HERC4: variants seen among roughly 807,000 people sequenced by gnomAD.
The protein encoded by HERC4 is HECT and RLD domain containing E3 ubiquitin protein ligase 4.
In HERC4, 28 loss-of-function variants were observed where a neutral mutation model predicts 124.3. The observed-to-expected ratio is 0.23, with a 90% CI of 0.17 to 0.31. The LOEUF is 0.31. Among genes scored for constraint, HERC4 ranks in the 10% least tolerant of loss-of-function variants. The pLI is 1.00. For synonymous variants in HERC4, 407 were observed against 421.5 expected (o/e 0.97, Z 0.42); for missense variants, 713 against 1,229.3 (o/e 0.58, Z 6.28).
chr10:68,044,882 T>C (rs2039940284), intron 3 of HERC4, among the ~76,000 whole-genome samples: 2 of 152,100 alleles, frequency 1.3e-5, no homozygotes, highest in Admixed American at 1.3e-4. Context: ...ATGTACCTTC[T>C]ATTCAAATCT....
At chr10:68,039,786 T>G in intron 4 of HERC4, 15 of 1,164,244 alleles carry the variant, frequency 1.3e-5, no homozygotes, top group Non-Finnish European at 1.6e-5. Context: ...AAACATTTAC[T>G]GTTATTGTTT....
chr10:67,928,911 A>G (rs1276560740), intron 23 of HERC4, among the ~76,000 whole-genome samples: 2 of 150,140 alleles, frequency 1.3e-5, no homozygotes, highest in East Asian at 4.0e-4. Flanking sequence ...ACAGAGCAAG[A>G]CTCCATCTCA....
At chr10:67,931,599 A>G (rs2031819030) in intron 23 of HERC4, among the ~76,000 whole-genome samples, 1 of 151,796 alleles carries the variant, frequency 6.6e-6, no homozygotes, top group African/African-American at 2.4e-5. Flanking sequence ...TAATTTTTGT[A>G]TTTTTAGTAG....
chr10:68,032,988 A>G (rs1397125385), intron 6 of HERC4, 119 bp from the exon 7 acceptor site: 3 of 628,636 alleles, frequency 4.8e-6, no homozygotes, highest in Non-Finnish European at 8.7e-6. Context: ...TTTAACTATG[A>G]TTCGATGATT....
intron 11 of HERC4, 149 bp downstream of exon 11, chr10:67,992,050 C>T: frequency 1.6e-6 from 1 of 638,056 alleles, no homozygotes. Flanking sequence ...AGGTGTGCAC[C>T]ACCACGCCCA....
chr10:68,069,942 C>G (rs1199264570), intron 3 of HERC4: 4 of 461,138 alleles, frequency 8.7e-6, no homozygotes. Context: ...CTCGGGAGGC[C>G]GAGGCAGGAG....
At chr10:68,025,830 T>C (rs1305271594) in intron 7 of HERC4, among the ~76,000 whole-genome samples, 154 bp from the exon 8 acceptor site, 1 of 152,198 alleles carries the variant, frequency 6.6e-6, no homozygotes, top group Non-Finnish European at 1.5e-5. Context: ...TCTTTCAAAG[T>C]AAAATGTCAT....
intron 7 of HERC4, among the ~76,000 whole-genome samples, chr10:68,029,776 T>C (rs1215587164): frequency 1.3e-5 from 2 of 150,626 alleles, no homozygotes; most frequent in Non-Finnish European, 3.0e-5. Context: ...AGTCTCGCTG[T>C]CGACCAGGCT....
chr10:67,987,689 T>C (rs1357737266), intron 15 of HERC4, among the ~76,000 whole-genome samples: 2 of 152,136 alleles, frequency 1.3e-5, no homozygotes, highest in East Asian at 3.8e-4. Flanking sequence ...GTTGTTTTTC[T>C]AGGAATCTTG....
At chr10:67,935,189 A>C (rs944909978) in intron 22 of HERC4, among the ~76,000 whole-genome samples, 1 of 146,590 alleles carries the variant, frequency 6.8e-6, no homozygotes, top group African/African-American at 2.5e-5. Context: ...TCTGTCGCCC[A>C]GGCTGGAGCG....
chr10:67,939,384 G>A (rs2032674530), intron 21 of HERC4, among the ~76,000 whole-genome samples: 1 of 152,144 alleles, frequency 6.6e-6, no homozygotes, highest in Non-Finnish European at 1.5e-5. Flanking sequence ...GTAAACCAGG[G>A]ATAATCCCAA....
intron 9 of HERC4, chr10:67,993,738 A>G (rs1220102343): frequency 1.3e-5 from 2 of 152,220 alleles, no homozygotes; most frequent in African/African-American, 4.8e-5. Context: ...AGAAAGGGCA[A>G]CAAAGTTTCT....
At position 67,922,814 on chromosome 10, in the gene HERC4, C is replaced by G. The variant is rs1325491045; in HGVS notation, c.*117G>C. On this transcript the variant is annotated 3_prime_UTR_variant, in exon 25 of 25. Transcript: ENST00000373700. ...CTTCCATGAACACTCGTAGATTGAA[C>G]ATTCTGCAAGTAAGAATTATAATAG... is the stretch of plus-strand genomic sequence containing the variant. The G allele has an allele frequency of 6.8e-6, 5 of 733,104 alleles. No individual in the cohort carries two copies. The Admixed American group carries it at 1.0e-4, about 15-fold the overall frequency. The allele number at this position is 733,104 out of a possible 1,614,324, so 45.4% of individuals were successfully genotyped here.
intron 19 of HERC4, among the ~76,000 whole-genome samples, chr10:67,949,091 A>AAAAAT (rs1025662882): frequency 6.6e-5 from 10 of 151,876 alleles, no homozygotes; most frequent in Admixed American, 2.6e-4. Flanking sequence ...GTTTCTACTA[A>AAAAAT]AAAATAAAAT....
intron 18 of HERC4, 93 bp downstream of exon 18, chr10:67,954,870 A>T: frequency 8.0e-7 from 1 of 1,251,472 alleles, no homozygotes; most frequent in Non-Finnish European, 1.1e-6. Context: ...TTTATTTATT[A>T]AGTTTAAAAG....
chr10:67,932,835 C>T (rs1176071695), intron 22 of HERC4, 55 bp from the exon 23 acceptor site: 2 of 1,446,986 alleles, frequency 1.4e-6, no homozygotes, highest in East Asian at 5.1e-5. Context: ...ATGAAGAATC[C>T]ATAATGTAGT....
intron 19 of HERC4, among the ~76,000 whole-genome samples, chr10:67,949,447 T>C (rs563130662): frequency 6.6e-6 from 1 of 152,178 alleles, no homozygotes; most frequent in East Asian, 1.9e-4. Context: ...ATCATCACTA[T>C]CAAAATACCA....
At chr10:67,924,464 T>A (rs780689130) in intron 24 of HERC4, among the ~76,000 whole-genome samples, 7 of 152,202 alleles carry the variant, frequency 4.6e-5, no homozygotes, top group Non-Finnish European at 1.0e-4. Flanking sequence ...AGCATGTTAC[T>A]GTACTGAATT....
At chr10:67,949,765 G>A (rs1014946207) in intron 19 of HERC4, among the ~76,000 whole-genome samples, 3 of 152,086 alleles carry the variant, frequency 2.0e-5, no homozygotes, top group Non-Finnish European at 4.4e-5. Context: ...GGTGGCTCAC[G>A]CCAGCACTTT....
Sources: gnomAD v4.1 joint callset for allele counts (sites outside exome capture counted in the v4.1 genomes callset) on GRCh38, gnomAD v4.1.1 for gene constraint, MANE v1.5 for transcripts, NCBI Gene and HGNC (gene_info 2026-07-23, HGNC 2026-07-21) for gene names.